Variants in PPP1R17 observed in about 807,000 individuals in gnomAD.
PPP1R17 encodes protein phosphatase 1 regulatory subunit 17, also known as G-substrate.
A neutral mutation model predicts 15.9 loss-of-function variants in PPP1R17; 12 were observed. The ratio of observed to expected loss-of-function variants is 0.75; its 90% CI spans 0.48 to 1.22. The LOEUF (loss-of-function observed/expected upper bound fraction) is 1.22. Ranked by LOEUF, PPP1R17 falls within the 50% of genes most tolerant of loss-of-function variation. The pLI, the probability that PPP1R17 is intolerant of heterozygous loss-of-function variation, is 0.00. For synonymous variants in PPP1R17, 63 were observed against 64.5 expected, an observed-to-expected ratio of 0.98 and a Z score of 0.11; for missense variants, 211 against 187.3, an observed-to-expected ratio of 1.13 and a Z score of -0.74.
chr7:31,702,058 T>A (rs956009953), intron 4 of PPP1R17, among the ~76,000 whole-genome samples: 1 of 152,244 alleles, frequency 6.6e-6, no homozygotes, highest in Non-Finnish European at 1.5e-5. Flanking sequence ...TGCCTTTGTA[T>A]AACCCAGATC....
intron 4 of PPP1R17, among the ~76,000 whole-genome samples, chr7:31,697,514 AAAAG>A (rs1792646075): frequency 6.6e-6 from 1 of 152,204 alleles, no homozygotes; most frequent in Non-Finnish European, 1.5e-5. Flanking sequence ...GAGAGACAGA[AAAAG>A]AGATGCAGAA....
Position 31,692,259 on chromosome 7 carries a change from T to C in PPP1R17, c.-36-147T>C, listed in dbSNP as rs978986190. 1.1e-5 allele frequency: 6 copies of C among 536,318 alleles called. No homozygotes were observed. In the East Asian group the frequency reaches 1.8e-4, roughly 16 times the overall value. The allele number at this position is 536,318 out of a possible 1,614,324, so 33.2% of individuals were successfully genotyped here. On this transcript the variant is annotated intron_variant, in intron 1 of 4. Coordinates refer to ENST00000342032, the MANE Select transcript of PPP1R17 (RefSeq NM_006658.5). ...TAAATCTCAAGTTTAGAGTTTCTAATAGCCAAGTTTAAGAAGCACACATAA... is the reference window on the plus strand; with the variant it reads ...TAAATCTCAAGTTTAGAGTTTCTAACAGCCAAGTTTAAGAAGCACACATAA...
chr7:31,707,146 C>A, intron 4 of PPP1R17, 58 bp from the exon 5 acceptor site: 3 of 1,499,532 alleles, frequency 2.0e-6, no homozygotes, highest in South Asian at 2.3e-5. Flanking sequence ...CTGTCTGCAA[C>A]GTTGCCTAAT....
intron 4 of PPP1R17, among the ~76,000 whole-genome samples, chr7:31,704,916 G>A (rs2128248372): frequency 6.6e-6 from 1 of 152,242 alleles, no homozygotes; most frequent in African/African-American, 2.4e-5. Flanking sequence ...CCATCTTCAT[G>A]TCACCAAGGC....
intron 4 of PPP1R17, among the ~76,000 whole-genome samples, chr7:31,702,044 A>G (rs965697063): frequency 1.3e-5 from 2 of 152,146 alleles, no homozygotes; most frequent in South Asian, 2.1e-4. Flanking sequence ...AAAAGGAATC[A>G]TTTTGCCTTT....
chr7:31,700,973 A>G (rs921746864), intron 4 of PPP1R17, among the ~76,000 whole-genome samples: 3 of 152,196 alleles, frequency 2.0e-5, no homozygotes, highest in Non-Finnish European at 4.4e-5. Flanking sequence ...GCTCTGATGG[A>G]GGCACACAAG....
Position 31,705,207 on chromosome 7 carries a change from G to A in PPP1R17, c.389-1997G>A, listed in dbSNP as rs182757181. 4.6e-5 allele frequency among the ~76,000 whole-genome samples: 7 copies of A among 152,184 alleles called. No homozygotes were observed. The East Asian group carries it at 5.8e-4, about 13-fold the overall frequency. On this transcript the variant is annotated intron_variant, in intron 4 of 4. Coordinates refer to ENST00000342032, the MANE Select transcript of PPP1R17 (RefSeq NM_006658.5). ...TTCCTGAAATCCCAGGAACTTTTGG[G>A]GAGTCAGCAAGGAGCAGATTCTCAT...
intron 1 of PPP1R17, among the ~76,000 whole-genome samples, 171 bp from the exon 2 acceptor site, chr7:31,692,235 A>G (rs1647248933): frequency 1.3e-5 from 2 of 152,194 alleles, no homozygotes; most frequent in South Asian, 4.1e-4. Context: ...ATTTTGGCTT[A>G]AATCTCAAGT....
rs142761417 is a variant in PPP1R17 at position 31,692,540 on chromosome 7, T to C, written c.82+17T>C. ...GCCACTTAGGTAAACAAATGATCGA[T>C]TGTGAATGTCAGTGGTGGAAGTCAG... On this transcript the variant is annotated intron_variant, in intron 2 of 4. Transcript: ENST00000342032. 704 of 1,575,538 alleles carry C rather than the reference T, an allele frequency of 4.5e-4. 1 individual carries two copies. The African/African-American group carries it at 8.4e-3, about 19-fold the overall frequency.
chr7:31,700,695 A>C (rs1346710581), intron 4 of PPP1R17, among the ~76,000 whole-genome samples: 1 of 152,072 alleles, frequency 6.6e-6, no homozygotes, highest in Admixed American at 6.6e-5. Flanking sequence ...GGACAGGCCA[A>C]CTCTCTTGTT....
rs1022880373 is a variant in PPP1R17 at position 31,695,574 on chromosome 7, C to G, written c.188C>G (p.Pro63Arg). 2 of 1,613,476 alleles carry G rather than the reference C, an allele frequency of 1.2e-6. No homozygotes were observed. Among genetic ancestry groups the G allele is most frequent in the African/African-American group, 1.3e-5 (1 of 74,806 alleles). The change falls in exon 3 of 5, where the codon CCA becomes CGA. Residue 63 changes from proline (P) to arginine (R), a missense_variant. Physicochemically the swap from Pro to Arg is moderately radical, Grantham distance 103 (BLOSUM62 -2). Coordinates refer to ENST00000342032, the MANE Select transcript of PPP1R17 (RefSeq NM_006658.5). ...AATGTTGAGTCAGACCAAAAAAAAC[C>G]AAGGAGGAAAGATACACCGGCGCTG... ...TLNVESDQKK[P>R]RRKDTPALHI... is the part of the protein sequence containing the mutation.
chr7:31,700,691 G>A (rs769996973), intron 4 of PPP1R17, among the ~76,000 whole-genome samples: 1 of 152,082 alleles, frequency 6.6e-6, no homozygotes, highest in African/African-American at 2.4e-5. Flanking sequence ...CAAAGGACAG[G>A]CCAACTCTCT....
At chr7:31,697,475 C>T (rs954871680) in intron 4 of PPP1R17, among the ~76,000 whole-genome samples, 1 of 152,176 alleles carries the variant, frequency 6.6e-6, no homozygotes, top group Admixed American at 6.5e-5. Flanking sequence ...TCCTGAGACA[C>T]TTGGACTAAT....
chr7:31,688,013 C>T (rs1237154202), intron 1 of PPP1R17, among the ~76,000 whole-genome samples: 1 of 152,150 alleles, frequency 6.6e-6, no homozygotes, highest in Non-Finnish European at 1.5e-5. Context: ...CATCTCATTA[C>T]CAGCTTCAGA....
chr7:31,694,658 T>C (rs1230315600), intron 2 of PPP1R17, among the ~76,000 whole-genome samples: 2 of 151,984 alleles, frequency 1.3e-5, no homozygotes, highest in African/African-American at 4.8e-5. Context: ...AGGTAAACCA[T>C]TATGGAAGAG....
chr7:31,706,954 G>A (rs1457043445), intron 4 of PPP1R17, among the ~76,000 whole-genome samples: 3 of 152,180 alleles, frequency 2.0e-5, no homozygotes, highest in Non-Finnish European at 4.4e-5. Flanking sequence ...TAAAGAAGAG[G>A]ATGAAGGTTG....
intron 1 of PPP1R17, among the ~76,000 whole-genome samples, chr7:31,687,830 G>A (rs1000064606): frequency 6.6e-6 from 1 of 152,220 alleles, no homozygotes; most frequent in Non-Finnish European, 1.5e-5. Flanking sequence ...CACATAGGCT[G>A]TGGATACAAC....
At chr7:31,703,418 A>G (rs2128247168) in intron 4 of PPP1R17, among the ~76,000 whole-genome samples, 1 of 152,320 alleles carries the variant, frequency 6.6e-6, no homozygotes, top group East Asian at 1.9e-4. Context: ...TTTATCAAAC[A>G]ACACAGCGTA....
chr7:31,706,712 G>A (rs75716229), intron 4 of PPP1R17, among the ~76,000 whole-genome samples: 2,057 of 152,252 alleles, frequency 0.014, 15 homozygotes, highest in African/African-American at 0.016. Flanking sequence ...ATATTGAAAG[G>A]ACAGGAAAAG....
Sources: allele counts gnomAD v4.1 joint callset (sites outside exome capture counted in the v4.1 genomes callset), GRCh38; gene constraint gnomAD v4.1.1; transcripts MANE v1.5; gene names NCBI Gene and HGNC (gene_info 2026-07-23, HGNC 2026-07-21).